The following PDE1C variants were observed in gnomAD, a reference collection of about 807,000 sequenced individuals.
The protein encoded by PDE1C is phosphodiesterase 1C.
A neutral mutation model predicts 93.1 loss-of-function variants in PDE1C; 62 were observed. The observed-to-expected ratio is 0.67, with a 90% CI of 0.54 to 0.82. The LOEUF (loss-of-function observed/expected upper bound fraction) is 0.82, where lower values mean the gene tolerates loss of function less well. Among genes scored for constraint, PDE1C ranks in the 40% least tolerant of loss-of-function variants. The pLI is 0.00. For missense variants in PDE1C, 742 were observed against 884.6 expected (o/e 0.84, Z 2.04); for synonymous variants, 325 against 310.1 (o/e 1.05, Z -0.50).
At chr7:31,815,527 G>C (rs1009256198) in intron 15 of PDE1C, among the ~76,000 whole-genome samples, 1 of 152,100 alleles carries the variant, frequency 6.6e-6, no homozygotes, top group African/African-American at 2.4e-5. Context: ...TCTATTACAG[G>C]AAAAGGCTCA....
At chr7:31,917,937 C>T (rs10266620) in intron 2 of PDE1C, among the ~76,000 whole-genome samples, 122,416 of 152,110 alleles carry the variant, frequency 0.8, 49,577 homozygotes, top group Admixed American at 0.84. Flanking sequence ...GAAAAAATAA[C>T]ACTAGAGTAA....
intron 2 of PDE1C, among the ~76,000 whole-genome samples, chr7:31,914,083 T>C (rs547319565): frequency 6.6e-6 from 1 of 152,282 alleles, no homozygotes; most frequent in South Asian, 2.1e-4. Context: ...ATAAACATAA[T>C]TCACATTGGC....
intron 1 of PDE1C, among the ~76,000 whole-genome samples, chr7:32,392,702 T>C (rs1784772919): frequency 1.3e-5 from 2 of 152,124 alleles, no homozygotes; most frequent in Non-Finnish European, 2.9e-5. Flanking sequence ...CATGATCATC[T>C]CAATCAATGC....
intron 1 of PDE1C, among the ~76,000 whole-genome samples, chr7:32,408,531 G>C (rs28541640): frequency 0.033 from 5,052 of 152,290 alleles, 281 homozygotes; most frequent in African/African-American, 0.11. Context: ...TCTCATGCCT[G>C]TAATCCTAGC....
At chr7:31,620,621 A>G in the PDE1C span, among the ~76,000 whole-genome samples, 1 of 150,482 alleles carries the variant, frequency 6.6e-6, no homozygotes, top group Non-Finnish European at 1.5e-5. Flanking sequence ...CATCACCATC[A>G]TCAAAGACCA....
intron 1 of PDE1C, among the ~76,000 whole-genome samples, chr7:32,368,942 A>G (rs1784276005): frequency 6.6e-6 from 1 of 152,184 alleles, no homozygotes. Flanking sequence ...GGCTATCTAT[A>G]TGCAAAAGAA....
the PDE1C span, among the ~76,000 whole-genome samples, chr7:31,718,159 C>T: frequency 3.2e-3 from 484 of 152,166 alleles, 5 homozygotes; most frequent in African/African-American, 0.011. Context: ...GTGGACTGCA[C>T]GGTCATGGGC....
At chr7:32,324,100 T>C (rs1585109190) in intron 1 of PDE1C, among the ~76,000 whole-genome samples, 1 of 152,358 alleles carries the variant, frequency 6.6e-6, no homozygotes, top group African/African-American at 2.4e-5. Context: ...TATTTTGTGA[T>C]ACATGTACAT....
intron 2 of PDE1C, among the ~76,000 whole-genome samples, chr7:31,893,989 C>G (rs565796285): frequency 6.6e-6 from 1 of 152,252 alleles, no homozygotes; most frequent in South Asian, 2.1e-4. Context: ...TACATGGTGT[C>G]ATAATATATT....
At position 31,752,453 on chromosome 7, in the gene PDE1C, C is replaced by G. The variant is rs1794186956; in HGVS notation, c.*931G>C. The stretch of plus-strand genomic sequence containing the variant: ...TCTGAAATGTAACTTAAAGGCATCT[C>G]TAGCCTAGTTTAAATTCTTTATTTT... On this transcript the variant is annotated 3_prime_UTR_variant, in exon 18 of 18. Coordinates refer to ENST00000396191, the MANE Select transcript of PDE1C (RefSeq NM_001191057.4). The G allele has an allele frequency of 6.6e-6, 1 of 152,056 alleles. No homozygotes were observed. 9.4% of individuals were successfully genotyped at this position (152,056 alleles called of 1,614,324 possible).
At chr7:32,015,397 A>C (rs1331890675) in intron 2 of PDE1C, among the ~76,000 whole-genome samples, 1 of 152,082 alleles carries the variant, frequency 6.6e-6, no homozygotes, top group Non-Finnish European at 1.5e-5. Context: ...GACATTGTTA[A>C]CGCCAAATGG....
intron 1 of PDE1C, among the ~76,000 whole-genome samples, chr7:32,348,348 C>T (rs1050167198): frequency 6.8e-5 from 9 of 132,594 alleles, no homozygotes; most frequent in Middle Eastern, 8.3e-3. Context: ...AAATAAAAAA[C>T]AAATGTGCTT....
chr7:31,757,207 C>G (rs974009019), intron 17 of PDE1C, among the ~76,000 whole-genome samples: 1 of 152,158 alleles, frequency 6.6e-6, no homozygotes, highest in Non-Finnish European at 1.5e-5. Flanking sequence ...GATATATTAT[C>G]TAACCTCATT....
chr7:31,895,231 G>A (rs141551876), intron 2 of PDE1C, among the ~76,000 whole-genome samples: 6 of 152,270 alleles, frequency 3.9e-5, no homozygotes, highest in Non-Finnish European at 7.4e-5. Context: ...ATGGATGAGG[G>A]ACAGAGGGTC....
chr7:31,749,668 G>A (rs1387286067), downstream of PDE1C, among the ~76,000 whole-genome samples: 4 of 152,068 alleles, frequency 2.6e-5, no homozygotes, highest in East Asian at 1.9e-4. Flanking sequence ...TCGGTGCTTC[G>A]GGAATCCACA....
intron 2 of PDE1C, among the ~76,000 whole-genome samples, chr7:31,979,563 A>G (rs1584302868): frequency 6.6e-6 from 1 of 152,194 alleles, no homozygotes; most frequent in African/African-American, 2.4e-5. Flanking sequence ...CCAAGGTCAC[A>G]CAGCCAGTAA....
chr7:31,860,088 G>A (rs1168369589), intron 7 of PDE1C, among the ~76,000 whole-genome samples: 1 of 152,120 alleles, frequency 6.6e-6, no homozygotes, highest in Non-Finnish European at 1.5e-5. Flanking sequence ...TTTCCTTATA[G>A]TAATCACTGC....
At chr7:31,909,083 A>C (rs1800924275) in intron 2 of PDE1C, among the ~76,000 whole-genome samples, 2 of 152,052 alleles carry the variant, frequency 1.3e-5, no homozygotes, top group Non-Finnish European at 2.9e-5. Context: ...TTTTGCTTGC[A>C]AGAAGTCTCT....
chr7:32,291,583 G>A (rs936435939), intron 1 of PDE1C, among the ~76,000 whole-genome samples: 11 of 152,326 alleles, frequency 7.2e-5, no homozygotes, highest in South Asian at 2.1e-4. Flanking sequence ...GTTATTAAAC[G>A]TCACTATAAG....
Sources: gnomAD v4.1 joint callset for allele counts (sites outside exome capture counted in the v4.1 genomes callset) on GRCh38, gnomAD v4.1.1 for gene constraint, MANE v1.5 for transcripts, NCBI Gene and HGNC (gene_info 2026-07-23, HGNC 2026-07-21) for gene names.